The following ALDOB variants were observed in gnomAD, a reference collection of about 807,000 sequenced individuals.
ALDOB encodes fructose-bisphosphate aldolase B.
A neutral mutation model predicts 41.0 loss-of-function variants in ALDOB; 39 were observed. The ratio of observed to expected loss-of-function variants is 0.95; its 90% confidence interval spans 0.74 to 1.24. ALDOB has a LOEUF of 1.24. ALDOB is among the 50% of genes most tolerant of loss of function. The pLI is 0.00. For synonymous variants in ALDOB, 175 were observed against 168.8 expected (o/e 1.04, Z -0.28); for missense variants, 530 against 457.3 (o/e 1.16, Z -1.45).
In ALDOB at chr9:101,424,845, T is replaced by G; in HGVS notation, c.997A>C (p.Met333Leu). 1 of 1,612,776 alleles carries G rather than the reference T, an allele frequency of 6.2e-7. No individual in the cohort carries two copies. Among genetic ancestry groups the G allele is most frequent in the Non-Finnish European group, 8.5e-7 (1 of 1,180,008 alleles). The change falls in exon 8 of 9, where the codon ATG becomes CTG. Residue 333 changes from methionine to leucine, a missense_variant and splice_region_variant. Met to Leu is a conservative substitution (Grantham distance 15). Coordinates refer to ENST00000647789, the MANE Select transcript of ALDOB (RefSeq NM_000035.4). ...ATQEAFMKRA[M>L]ANCQAAKGQY... The stretch of plus-strand genomic sequence containing the variant: ...GATAAGAGGTGGCAGCATCTTACCA[T>G]GGCCCGCTTCATAAAAGCCTCCTGG...
intron 8 of ALDOB, among the ~76,000 whole-genome samples, chr9:101,424,627 C>T (rs1831095924): frequency 1.3e-5 from 2 of 152,186 alleles, no homozygotes; most frequent in African/African-American, 4.8e-5. Flanking sequence ...AATTGTCCTT[C>T]AGTCTCCTGT....
At chr9:101,423,415 C>A (rs774464497) in intron 8 of ALDOB, among the ~76,000 whole-genome samples, 23 of 152,210 alleles carry the variant, frequency 1.5e-4, no homozygotes, top group Non-Finnish European at 2.9e-4. Context: ...ACCACACACT[C>A]ACTCTTATTT....
chr9:101,425,546 C>T lies in ALDOB; in HGVS notation c.706G>A (p.Ala236Thr), dbSNP rs764501544. ...TACTTCTTGGTGCAGGCATGTCCAGCAGTCACCATGTTGGGCTTTAGCAGG... is the reference window on the plus strand; with the variant it reads ...TACTTCTTGGTGCAGGCATGTCCAGTAGTCACCATGTTGGGCTTTAGCAGG... ...GTLLKPNMVT[A>T]GHACTKKYTP... The change falls in exon 7 of 9, where the codon GCT becomes ACT. Residue 236 changes from alanine to threonine, a missense_variant. Coordinates refer to ENST00000647789, the MANE Select transcript of ALDOB (RefSeq NM_000035.4). 5.6e-6 allele frequency: 9 copies of T among 1,614,150 alleles called. No homozygotes were observed. In the South Asian group the frequency reaches 9.9e-5, roughly 18 times the overall value.
In ALDOB at chr9:101,421,434, C is replaced by A. The variant is rs978298249; in HGVS notation, c.*375G>T. 6 of 326,840 alleles carry A rather than the reference C, an allele frequency of 1.8e-5. No individual in the cohort carries two copies. The highest frequency in any genetic ancestry group is 1.1e-4 in the African/African-American group (5 of 46,682). 20.2% of individuals were successfully genotyped at this position (326,840 alleles called of 1,614,324 possible). A position where few individuals can be genotyped will look rare whatever the true frequency, so the allele number is the denominator to read the frequency against. ...TTGCAGCTATCTCCTTCCCAACCTACCACTGCTAAGACTGTTTCATAAGAT... is the reference window on the plus strand; with the variant it reads ...TTGCAGCTATCTCCTTCCCAACCTAACACTGCTAAGACTGTTTCATAAGAT... On this transcript the variant is annotated 3_prime_UTR_variant, in exon 9 of 9. Transcript: ENST00000647789.
At position 101,430,964 on chromosome 9, in the gene ALDOB, C is replaced by G. The variant is rs1441053240; in HGVS notation, c.-10-67G>C. On this transcript the variant is annotated intron_variant, in intron 1 of 8. Transcript: ENST00000647789. ...GGCTCAGATGGATGCATGACCAAGA[C>G]AGTTGGGGGTGCAGACATGCTGTGC... 3 of 1,079,806 alleles carry G rather than the reference C, an allele frequency of 2.8e-6. No homozygotes were observed. The African/African-American group carries it at 4.6e-5, about 17-fold the overall frequency. The allele number at this position is 1,079,806 out of a possible 1,614,324, so 66.9% of individuals were successfully genotyped here.
At chr9:101,426,812 C>A (rs1831136883) in intron 5 of ALDOB, among the ~76,000 whole-genome samples, 174 bp from the exon 6 acceptor site, 1 of 152,160 alleles carries the variant, frequency 6.6e-6, no homozygotes, top group African/African-American at 2.4e-5. Flanking sequence ...TAAATACAAA[C>A]CCGTAATTAC....
intron 3 of ALDOB, among the ~76,000 whole-genome samples, chr9:101,428,800 A>C (rs1831169670): frequency 6.6e-6 from 1 of 152,222 alleles, no homozygotes; most frequent in Non-Finnish European, 1.5e-5. Flanking sequence ...TACTCTCTAC[A>C]TAGCAAAGGC....
chr9:101,429,849 A>G lies in ALDOB; in HGVS notation c.230T>C (p.Val77Ala). 6.2e-7 allele frequency: 1 copy of G among 1,614,110 alleles called. No homozygotes were observed. Among genetic ancestry groups the G allele is most frequent in the Non-Finnish European group, 8.5e-7 (1 of 1,180,018 alleles). ...GTAGAGGGTCTCGTGGAAAAGGATC[A>G]CACCCCCGATGCTCTGGTTGATGGA... ...DSSINQSIGG[V>A]ILFHETLYQK... The change falls in exon 3 of 9, where the codon GTG becomes GCG. Residue 77 changes from valine to alanine, a missense_variant. Coordinates refer to ENST00000647789, the MANE Select transcript of ALDOB (RefSeq NM_000035.4).
At position 101,435,715 on chromosome 9, in the gene ALDOB, G is replaced by T. The variant is rs1435032010; in HGVS notation, c.-17C>A. 6.6e-6 allele frequency: 1 copy of T among 152,084 alleles called. No individual in the cohort carries two copies. The highest frequency in any genetic ancestry group is 6.6e-5 in the Admixed American group (1 of 15,260). 9.4% of individuals were successfully genotyped at this position (152,084 alleles called of 1,614,324 possible). On this transcript the variant is annotated 5_prime_UTR_variant, in exon 1 of 9. Coordinates refer to ENST00000647789, the MANE Select transcript of ALDOB (RefSeq NM_000035.4). ...AGGAAGCTTTTTTACTTACAGTTTGGGAGAGAAGAGTCCTCCTAGATATCA... is the reference window on the plus strand; with the variant it reads ...AGGAAGCTTTTTTACTTACAGTTTGTGAGAGAAGAGTCCTCCTAGATATCA...
Sources: allele counts gnomAD v4.1 joint callset (sites outside exome capture counted in the v4.1 genomes callset), GRCh38; gene constraint gnomAD v4.1.1; transcripts MANE v1.5; gene names NCBI Gene and HGNC (gene_info 2026-07-23, HGNC 2026-07-21).